Variants in CARHSP1 observed in about 807,000 individuals in gnomAD.
CARHSP1 encodes the protein calcium regulated heat stable protein 1.
In CARHSP1, 14 loss-of-function variants were observed where a neutral mutation model predicts 12.5. That is an observed-to-expected ratio of 1.12 (90% CI 0.74 to 1.75). The LOEUF (loss-of-function observed/expected upper bound fraction) is 1.75. Ranked by LOEUF, CARHSP1 falls within the 40% of genes most tolerant of loss-of-function variation. The probability of loss-of-function intolerance (pLI) is 0.00; values close to 1 mark genes in which losing one functional copy is unlikely to be tolerated. For missense variants in CARHSP1, 343 were observed against 201.6 expected (o/e 1.70, Z -4.25); for synonymous variants, 161 against 82.0 (o/e 1.96, Z -5.20).
In CARHSP1 at chr16:8,855,296, G is replaced by C. The variant is rs763843068; in HGVS notation, c.312C>G (p.Gly104=). Residue 104 remains glycine (G), a synonymous_variant, in exon 4 of 4, where the codon GGC becomes GGG. Transcript: ENST00000311052. ...AGCACATTTTATAGGTGACCTCGTC[G>C]CCTTCCACTGGGACATACTCCCCTT... ...DVEGEYVPVE[G]DEVTYKMCSI... The C allele has an allele frequency of 6.2e-7, 1 of 1,608,480 alleles. No homozygotes were observed. The highest frequency in any genetic ancestry group is 2.2e-5 in the East Asian group (1 of 44,576).
chr16:8,862,138 G>C (rs1039852547), intron 1 of CARHSP1, among the ~76,000 whole-genome samples: 1 of 151,588 alleles, frequency 6.6e-6, no homozygotes, highest in Non-Finnish European at 1.5e-5. Flanking sequence ...AAGTAGCAGG[G>C]GTTACAGGTG....
rs771179520 is a variant in CARHSP1, at chr16:8,858,492, G to C, written c.159-20C>G. On this transcript the variant is annotated intron_variant, in intron 2 of 3. Coordinates refer to ENST00000311052, the MANE Select transcript of CARHSP1 (RefSeq NM_014316.4). The stretch of plus-strand genomic sequence containing the variant: ...ACCGTCCTGACAGAGAGGGGGAAAT[G>C]TCAGGGGCCCCATCAGCGCTCCTGG... 1.2e-6 allele frequency: 2 copies of C among 1,611,926 alleles called. No homozygotes were observed. Among genetic ancestry groups the C allele is most frequent in the African/African-American group, 2.7e-5 (2 of 74,870 alleles).
intron 1 of CARHSP1, among the ~76,000 whole-genome samples, chr16:8,864,072 G>T (rs1238203753): frequency 6.6e-6 from 1 of 152,156 alleles, no homozygotes; most frequent in Non-Finnish European, 1.5e-5. Context: ...AACAAACTTC[G>T]ACCAAATGTC....
intron 1 of CARHSP1, among the ~76,000 whole-genome samples, chr16:8,861,139 G>A (rs1234908263): frequency 1.4e-5 from 2 of 140,210 alleles, no homozygotes; most frequent in Non-Finnish European, 3.1e-5. Context: ...GTTCACTGTA[G>A]CCTTGACCTC....
At chr16:8,858,167 C>T (rs955158495) in intron 3 of CARHSP1, 183 bp downstream of exon 3, 146 of 707,510 alleles carry the variant, frequency 2.1e-4, no homozygotes, top group Non-Finnish European at 3.1e-4. Flanking sequence ...CGTAGAGTCT[C>T]ACAACCCCAA....
At chr16:8,856,386 A>C (rs985551791) in intron 3 of CARHSP1, among the ~76,000 whole-genome samples, 1 of 152,220 alleles carries the variant, frequency 6.6e-6, no homozygotes, top group Non-Finnish European at 1.5e-5. Flanking sequence ...TGATCTGGTC[A>C]CGAGGGAGCT....
At chr16:8,860,306 C>T (rs1175950647) in intron 1 of CARHSP1, 14 of 984,646 alleles carry the variant, frequency 1.4e-5, no homozygotes, top group Non-Finnish European at 1.6e-5. Flanking sequence ...CCCGGGTCAC[C>T]ACGCTGTTAT....
rs181955229 is a variant in CARHSP1, at chr16:8,861,273, C to T, written c.-7-1938G>A. ...GGCTCAACGGATTCTCCCACCTCTT[C>T]CTCTCAAAGTGCTAGGATTACAGGC... On this transcript the variant is annotated intron_variant, in intron 1 of 3. Transcript: ENST00000311052. Among the ~76,000 whole-genome samples, 509 of 140,898 alleles carry T rather than the reference C, an allele frequency of 3.6e-3. 1 individual carries two copies. Among genetic ancestry groups the T allele is most frequent in the African/African-American group, 0.013 (479 of 37,820 alleles). The allele number at this position is 140,898 out of a possible 152,430, so 92.4% of individuals were successfully genotyped here.
At chr16:8,858,649 G>T (rs1383997080) in intron 2 of CARHSP1, 177 bp from the exon 3 acceptor site, 1 of 741,920 alleles carries the variant, frequency 1.3e-6, no homozygotes, top group African/African-American at 1.8e-5. Flanking sequence ...AAAGACGCTG[G>T]GGGAAAGGAC....
intron 1 of CARHSP1, among the ~76,000 whole-genome samples, chr16:8,862,692 C>A (rs1404313646): frequency 1.3e-5 from 2 of 152,060 alleles, no homozygotes; most frequent in African/African-American, 4.8e-5. Context: ...TGTGCAAAGG[C>A]CCTGAGGGCC....
intron 1 of CARHSP1, among the ~76,000 whole-genome samples, chr16:8,863,263 G>A (rs145654985): frequency 1.0e-3 from 154 of 150,234 alleles, no homozygotes; most frequent in African/African-American, 3.5e-3. Context: ...TGGGACTACG[G>A]CCACGTGCCA....
At chr16:8,857,265 T>G (rs1158980398) in intron 3 of CARHSP1, among the ~76,000 whole-genome samples, 2 of 11,842 alleles carry the variant, frequency 1.7e-4, no homozygotes, top group East Asian at 2.0e-3. Flanking sequence ...GCAGATCTGT[T>G]TTTTTTTTTT....
rs2141065586 is a variant in CARHSP1, at chr16:8,854,741, T to C, written c.*423A>G. 1 of 156,426 alleles carries C rather than the reference T, an allele frequency of 6.4e-6. No homozygotes were observed. The highest frequency in any genetic ancestry group is 1.9e-4 in the East Asian group (1 of 5,360). The allele number at this position is 156,426 out of a possible 1,614,324, so 9.7% of individuals were successfully genotyped here. On this transcript the variant is annotated 3_prime_UTR_variant, in exon 4 of 4. Transcript: ENST00000311052. Reference sequence around the variant, plus strand: ...TTTGCCTTGGAGAAGTCACGCAAGGTCCCTGTCAGGCTGCCAGGGGGCCAG... The same window carrying C: ...TTTGCCTTGGAGAAGTCACGCAAGGCCCCTGTCAGGCTGCCAGGGGGCCAG...
At chr16:8,868,408 C>T (rs1357206898) in intron 1 of CARHSP1, 1 of 152,028 alleles carries the variant, frequency 6.6e-6, no homozygotes, top group African/African-American at 2.4e-5. Flanking sequence ...CACCCCCACC[C>T]CCATCCGGGC....
In CARHSP1 at chr16:8,866,308, G is replaced by T. The variant is rs557257348; in HGVS notation, c.-8+2658C>A. 3.9e-5 allele frequency: 16 copies of T among 412,726 alleles called. No homozygotes were observed. In the South Asian group the frequency reaches 5.0e-4, roughly 13 times the overall value. The allele number at this position is 412,726 out of a possible 1,614,324, so 25.6% of individuals were successfully genotyped here. A position where few individuals can be genotyped will look rare whatever the true frequency, so the allele number is the denominator to read the frequency against. On this transcript the variant is annotated intron_variant, in intron 1 of 3. Transcript: ENST00000311052. Reference sequence around the variant, plus strand: ...CAGCTGTCCCTGACCCAGGGAACACGGCAGTAGCCGGGCTACACTGGCCCA... The same window carrying T: ...CAGCTGTCCCTGACCCAGGGAACACTGCAGTAGCCGGGCTACACTGGCCCA...
intron 3 of CARHSP1, among the ~76,000 whole-genome samples, chr16:8,857,263 GTTTTTTTTTTTTTTTT>G (rs756390920): frequency 7.2e-4 from 41 of 57,034 alleles, no homozygotes; most frequent in Admixed American, 1.2e-3. Context: ...GGGCAGATCT[GTTTTTTTTTTTTTTTT>G]TTTTTTTTTT....
At chr16:8,865,282 G>C (rs1414402372) in intron 1 of CARHSP1, among the ~76,000 whole-genome samples, 1 of 152,056 alleles carries the variant, frequency 6.6e-6, no homozygotes, top group African/African-American at 2.4e-5. Context: ...GCCAATTGTT[G>C]TATTTTTAGT....
intron 1 of CARHSP1, among the ~76,000 whole-genome samples, chr16:8,867,086 C>A (rs1301763796): frequency 1.3e-5 from 2 of 152,150 alleles, no homozygotes; most frequent in African/African-American, 4.8e-5. Context: ...GGTCACCCCA[C>A]CGCCACCACC....
chr16:8,868,276 G>A (rs897993611), intron 1 of CARHSP1: 11 of 152,190 alleles, frequency 7.2e-5, no homozygotes, highest in African/African-American at 2.7e-4. Flanking sequence ...TAGGGCCGGA[G>A]GCTTCCTTTT....
Sources: allele counts gnomAD v4.1 joint callset (sites outside exome capture counted in the v4.1 genomes callset), GRCh38; gene constraint gnomAD v4.1.1; transcripts MANE v1.5; gene names NCBI Gene and HGNC (gene_info 2026-07-23, HGNC 2026-07-21).